Variants in CDH23 observed in about 807,000 individuals in gnomAD.
CDH23 encodes the protein cadherin related 23, also known as cadherin-23.
In CDH23, 189 loss-of-function variants were observed where a neutral mutation model predicts 317.1. The observed-to-expected ratio is 0.60, with a 90% confidence interval of 0.53 to 0.67. CDH23 has a LOEUF of 0.67. Ranked by LOEUF, CDH23 falls within the 30% of genes least tolerant of loss-of-function variation. The pLI, the probability that CDH23 is intolerant of heterozygous loss-of-function variation, is 0.00. For missense variants in CDH23, 4,401 were observed against 4,592.4 expected (o/e 0.96, Z 1.20); for synonymous variants, 1,839 against 1,876.8 (o/e 0.98, Z 0.52).
chr10:71,402,107 G>A (rs181661251), intron 1 of CDH23, among the ~76,000 whole-genome samples: 294 of 152,270 alleles, frequency 1.9e-3, no homozygotes, highest in Non-Finnish European at 2.9e-3. Context: ...CGCTGCTGCC[G>A]CCCACAGCTC....
At chr10:71,574,335 A>G (rs1017676821) in intron 8 of CDH23, among the ~76,000 whole-genome samples, 4 of 152,190 alleles carry the variant, frequency 2.6e-5, no homozygotes, top group Non-Finnish European at 5.9e-5. Context: ...GAGCAGCAGC[A>G]TGTCGGCCTG....
At chr10:71,608,127 A>T (rs1860638375) in intron 9 of CDH23, among the ~76,000 whole-genome samples, 1 of 152,222 alleles carries the variant, frequency 6.6e-6, no homozygotes, top group African/African-American at 2.4e-5. Flanking sequence ...CTGGTAAGTG[A>T]TGGAGCTGTT....
chr10:71,765,171 C>T (rs561657081), intron 38 of CDH23, among the ~76,000 whole-genome samples: 1 of 152,252 alleles, frequency 6.6e-6, no homozygotes, highest in Non-Finnish European at 1.5e-5. Flanking sequence ...TGTGGCAGGT[C>T]CCACCAGCAC....
chr10:71,709,921 T>A (rs1019673344), intron 27 of CDH23, among the ~76,000 whole-genome samples: 6 of 152,102 alleles, frequency 3.9e-5, no homozygotes, highest in African/African-American at 1.4e-4. Flanking sequence ...AAGTCCTGTC[T>A]TACATGGATG....
chr10:71,575,357 T>C (rs913272363), intron 8 of CDH23, among the ~76,000 whole-genome samples: 2 of 152,224 alleles, frequency 1.3e-5, no homozygotes, highest in Admixed American at 6.5e-5. Context: ...TTCTGAGTGC[T>C]TCACGTTTAT....
chr10:71,403,223 T>C (rs1221834534), intron 1 of CDH23, among the ~76,000 whole-genome samples: 2 of 152,142 alleles, frequency 1.3e-5, no homozygotes, highest in African/African-American at 2.4e-5. Flanking sequence ...CTGGCAACAT[T>C]GTGTCCATGT....
chr10:71,432,104 TG>T (rs1277491707), intron 1 of CDH23, among the ~76,000 whole-genome samples: 1 of 149,174 alleles, frequency 6.7e-6, no homozygotes, highest in Non-Finnish European at 1.5e-5. Context: ...GGCAAAGGAG[TG>T]GGAACAGGAA....
At chr10:71,475,739 A>G (rs1024046196) in intron 3 of CDH23, among the ~76,000 whole-genome samples, 11 of 152,194 alleles carry the variant, frequency 7.2e-5, no homozygotes, top group African/African-American at 2.7e-4. Flanking sequence ...CTGGCCAGTG[A>G]CAGGGTTGGG....
chr10:71,803,358 G>T lies in CDH23; in HGVS notation c.7810G>T (p.Val2604Phe), dbSNP rs560143693. The T allele has an allele frequency of 1.9e-6, 3 of 1,599,958 alleles. No individual in the cohort carries two copies. The East Asian group carries it at 6.8e-5, about 37-fold the overall frequency. Reference protein sequence around the residue: ...TTMLLVEVIDVNDNRPVFVRP... With the variant: ...TTMLLVEVIDFNDNRPVFVRP... Reference sequence around the variant, plus strand: ...CATGCTCCTGGTGGAGGTCATCGACGTCAATGACAACCGCCCTGTCTTTGT... The same window carrying T: ...CATGCTCCTGGTGGAGGTCATCGACTTCAATGACAACCGCCCTGTCTTTGT... The change falls in exon 55 of 70, where the codon GTC becomes TTC. Residue 2604 changes from valine to phenylalanine, a missense_variant. By Grantham distance (50) the Val-to-Phe change is conservative (BLOSUM62 -1). This residue lies in a region of CDH23 where 1,144 missense variants were observed against 1,138.2 expected (regional missense o/e 1.01). Coordinates refer to ENST00000224721, the MANE Select transcript of CDH23 (RefSeq NM_022124.6).
intron 38 of CDH23, among the ~76,000 whole-genome samples, chr10:71,763,063 G>C (rs1304451639): frequency 6.6e-6 from 1 of 152,158 alleles, no homozygotes; most frequent in Non-Finnish European, 1.5e-5. Flanking sequence ...TACAATGCAG[G>C]GTTGCAAAAG....
At chr10:71,662,308 G>A (rs1213409894) in intron 14 of CDH23, among the ~76,000 whole-genome samples, 1 of 152,116 alleles carries the variant, frequency 6.6e-6, no homozygotes, top group African/African-American at 2.4e-5. Context: ...CAGGCGTGGG[G>A]GGTGTCCTGC....
intron 3 of CDH23, among the ~76,000 whole-genome samples, chr10:71,453,064 A>C (rs1176338308): frequency 1.3e-5 from 2 of 152,088 alleles, no homozygotes; most frequent in Non-Finnish European, 2.9e-5. Context: ...TCCTTTTGTC[A>C]CTGAGGTTGG....
At chr10:71,541,459 G>A (rs1482453708) in intron 6 of CDH23, among the ~76,000 whole-genome samples, 1 of 152,268 alleles carries the variant, frequency 6.6e-6, no homozygotes, top group Non-Finnish European at 1.5e-5. Context: ...CCCTGGGCTA[G>A]AGGGCAGGTC....
At chr10:71,435,071 A>G (rs1048668027) in intron 1 of CDH23, among the ~76,000 whole-genome samples, 3 of 152,266 alleles carry the variant, frequency 2.0e-5, no homozygotes, top group Admixed American at 2.0e-4. Flanking sequence ...CCTGGGTCAC[A>G]TGTCTGAGCT....
chr10:71,772,440 C>G (rs1434639087), intron 38 of CDH23, among the ~76,000 whole-genome samples: 2 of 152,230 alleles, frequency 1.3e-5, no homozygotes, highest in Non-Finnish European at 2.9e-5. Context: ...TGAAGAGATC[C>G]AGCCTCTTCA....
At chr10:71,574,151 C>T (rs142524984) in intron 8 of CDH23, among the ~76,000 whole-genome samples, 44 of 152,100 alleles carry the variant, frequency 2.9e-4, no homozygotes, top group African/African-American at 1.0e-3. Context: ...CCCCGGGGCC[C>T]CCACCGGACC....
intron 14 of CDH23, among the ~76,000 whole-genome samples, chr10:71,649,442 G>T (rs1476262648): frequency 6.6e-6 from 1 of 152,222 alleles, no homozygotes; most frequent in African/African-American, 2.4e-5. Flanking sequence ...CCCTGCTTCA[G>T]TGGCTGGTCA....
At chr10:71,584,215 C>T (rs1258635693) in intron 9 of CDH23, among the ~76,000 whole-genome samples, 2 of 152,000 alleles carry the variant, frequency 1.3e-5, no homozygotes, top group African/African-American at 2.4e-5. Flanking sequence ...CATTTCATGT[C>T]GGGGGAGGAA....
At chr10:71,584,590 A>C (rs1858911739) in intron 9 of CDH23, among the ~76,000 whole-genome samples, 1 of 113,814 alleles carries the variant, frequency 8.8e-6, no homozygotes, top group Non-Finnish European at 2.1e-5. Flanking sequence ...AGGGAGAATA[A>C]TCAGATACAG....
Sources: allele counts gnomAD v4.1 joint callset (sites outside exome capture counted in the v4.1 genomes callset), GRCh38; gene constraint gnomAD v4.1.1; regional missense constraint gnomAD v4.1.1; transcripts MANE v1.5; gene names NCBI Gene and HGNC (gene_info 2026-07-23, HGNC 2026-07-21).